The following EMILIN2 variants were observed in gnomAD, a reference collection of about 807,000 sequenced individuals.
EMILIN2 encodes EMILIN-2.
Under a neutral mutation model 87.1 loss-of-function variants are expected in EMILIN2, and 71 were observed. The ratio of observed to expected loss-of-function variants is 0.82; its 90% CI spans 0.67 to 0.99. The LOEUF is 0.99. Among genes scored for constraint, EMILIN2 ranks in the 50% least tolerant of loss-of-function variants. EMILIN2 has a pLI of 0.00. For missense variants in EMILIN2, 1,407 were observed against 1,371.8 expected (o/e 1.03, Z -0.40); for synonymous variants, 581 against 563.4 (o/e 1.03, Z -0.44).
At chr18:2,905,760 C>A (rs1304067620) in intron 4 of EMILIN2, among the ~76,000 whole-genome samples, 3 of 148,618 alleles carry the variant, frequency 2.0e-5, no homozygotes, top group Non-Finnish European at 4.4e-5. Flanking sequence ...GCTCCACTAC[C>A]CCGGGCTAAT....
rs575910016 is a variant in EMILIN2 at position 2,866,839 on chromosome 18, T to C, written c.258-18125T>C. ...TATTATGTTGGCTGTAGGTTTGTCA[T>C]AGATGGCTTTTATTACATTGAAGTA... is the stretch of plus-strand genomic sequence containing the variant. On this transcript the variant is annotated intron_variant, in intron 2 of 7. Coordinates refer to ENST00000254528, the MANE Select transcript of EMILIN2 (RefSeq NM_032048.3). Among the ~76,000 whole-genome samples the C allele has an allele frequency of 2.6e-5, 4 of 152,362 alleles. No individual in the cohort carries two copies. In the South Asian group the frequency reaches 8.3e-4, roughly 32 times the overall value.
At chr18:2,868,771 C>G (rs1050865775) in intron 2 of EMILIN2, among the ~76,000 whole-genome samples, 75 of 151,794 alleles carry the variant, frequency 4.9e-4, no homozygotes, top group African/African-American at 1.0e-3. Flanking sequence ...GGCTCGGCAT[C>G]AGACGGAGAC....
At chr18:2,900,455 T>G (rs1019000861) in intron 4 of EMILIN2, among the ~76,000 whole-genome samples, 2 of 152,212 alleles carry the variant, frequency 1.3e-5, no homozygotes, top group African/African-American at 4.8e-5. Flanking sequence ...CCTAATGTAC[T>G]GGGATTGCAG....
At chr18:2,866,199 G>A (rs1290221270) in intron 2 of EMILIN2, among the ~76,000 whole-genome samples, 1 of 152,222 alleles carries the variant, frequency 6.6e-6, no homozygotes. Flanking sequence ...CACACTGAGT[G>A]TGCTGCACCC....
Position 2,847,435 on chromosome 18 carries a change from G to A in EMILIN2, c.134+113G>A, listed in dbSNP as rs532963969. 7,070 of 1,146,500 alleles carry A rather than the reference G, an allele frequency of 6.2e-3. 33 individuals carry two copies. Among genetic ancestry groups the A allele is most frequent in the Non-Finnish European group, 7.2e-3 (6,528 of 909,836 alleles). 71.0% of individuals were successfully genotyped at this position (1,146,500 alleles called of 1,614,324 possible). ...GAGCGGCAGCCGGGGGCCTCCCTTG[G>A]ACTTCCCCGGGCGGCTCCCTCTGCG... On this transcript the variant is annotated intron_variant, in intron 1 of 7. Coordinates refer to ENST00000254528, the MANE Select transcript of EMILIN2 (RefSeq NM_032048.3). This position sits in a 1 kb window ranked among gnomAD's most constrained non-coding sequence, Gnocchi z 4.5.
intron 4 of EMILIN2, among the ~76,000 whole-genome samples, chr18:2,898,959 G>A (rs1054123885): frequency 2.0e-4 from 31 of 152,164 alleles, no homozygotes; most frequent in African/African-American, 6.8e-4. Context: ...AGGTTTCTAC[G>A]ATGCCCTTTG....
At chr18:2,912,032 C>CTTTTTTTTT (rs35260656) in intron 7 of EMILIN2, among the ~76,000 whole-genome samples, 1 of 73,150 alleles carries the variant, frequency 1.4e-5, no homozygotes, top group Non-Finnish European at 2.7e-5. Flanking sequence ...CTGACAACCA[C>CTTTTTTTTT]TTTTTTTTTT....
At position 2,890,620 on chromosome 18, in the gene EMILIN2, C is replaced by T. The variant is rs370975686; in HGVS notation, c.493C>T (p.Gln165Ter). The change falls in exon 4 of 8, where the codon CAA becomes TAA. Residue 165 changes from glutamine (Q) to a stop codon, truncating the protein, a stop_gained. Transcript: ENST00000254528. LOFTEE classifies it high-confidence loss of function. This position sits in a 1 kb window ranked among gnomAD's most constrained non-coding sequence, Gnocchi z 4.7. ...GACTTTGTCCCCAACTGGTACAGCA[C>T]AACCAAGCTGGGGGGTAGATCCAAA... is the stretch of plus-strand genomic sequence containing the variant. ...RKTLSPTGTA[Q>*]PSWGVDPKEG... 2 of 1,612,884 alleles carry T rather than the reference C, an allele frequency of 1.2e-6. No homozygotes were observed. The highest frequency in any genetic ancestry group is 1.1e-5 in the South Asian group (1 of 91,026).
intron 2 of EMILIN2, among the ~76,000 whole-genome samples, chr18:2,869,604 AT>A (rs569046368): frequency 0.031 from 4,618 of 148,862 alleles, 208 homozygotes; most frequent in African/African-American, 0.11. Context: ...TCAGTAGCTG[AT>A]TTTTTTTTTT....
rs536878129 is a variant in EMILIN2 at position 2,847,174 on chromosome 18, C to T, written c.-15C>T. 34 of 1,102,776 alleles carry T rather than the reference C, an allele frequency of 3.1e-5. No homozygotes were observed. The highest frequency in any genetic ancestry group is 3.9e-5 in the South Asian group (1 of 25,770). 68.3% of individuals were successfully genotyped at this position (1,102,776 alleles called of 1,614,324 possible). A position where few individuals can be genotyped will look rare whatever the true frequency, so the allele number is the denominator to read the frequency against. On this transcript the variant is annotated 5_prime_UTR_variant, in exon 1 of 8. Transcript: ENST00000254528. The surrounding 1 kb of genome is among the most constrained non-coding windows in gnomAD (Gnocchi z 4.5). ...TCCGGACCCGGGCAGGCGGGGCGCG[C>T]CCGCTGCGCGCGGGATGTGGCAGCC...
chr18:2,906,698 G>C (rs1314977734), intron 4 of EMILIN2, 85 bp from the exon 5 acceptor site: 7 of 1,087,456 alleles, frequency 6.4e-6, no homozygotes, highest in Non-Finnish European at 8.1e-6. Context: ...CCCGCTCGCC[G>C]GGACTCATGG....
intron 2 of EMILIN2, among the ~76,000 whole-genome samples, chr18:2,854,950 A>C (rs2076619582): frequency 6.6e-6 from 1 of 152,090 alleles, no homozygotes. Context: ...GCTTTGGGGG[A>C]ATTTTCTTTC....
At chr18:2,877,380 T>C (rs1662888) in intron 2 of EMILIN2, among the ~76,000 whole-genome samples, 38,575 of 151,810 alleles carry the variant, frequency 0.25, 5,800 homozygotes, top group Non-Finnish European at 0.33. Flanking sequence ...CCCTCTTTTT[T>C]TTTCTCATAC....
At chr18:2,859,057 A>G (rs942456391) in intron 2 of EMILIN2, among the ~76,000 whole-genome samples, 2 of 151,986 alleles carry the variant, frequency 1.3e-5, no homozygotes, top group Non-Finnish European at 2.9e-5. Flanking sequence ...TCATATAATG[A>G]CTTCTTTGTC....
intron 2 of EMILIN2, among the ~76,000 whole-genome samples, chr18:2,865,628 G>T (rs1036337558): frequency 8.5e-5 from 13 of 152,332 alleles, no homozygotes; most frequent in Admixed American, 6.5e-4. Context: ...CTACTGGGGG[G>T]TGCCTCCCAG....
At chr18:2,862,520 G>A (rs934947038) in intron 2 of EMILIN2, among the ~76,000 whole-genome samples, 166 of 150,978 alleles carry the variant, frequency 1.1e-3, no homozygotes, top group African/African-American at 3.9e-3. Flanking sequence ...GCTGGATTAT[G>A]TTTATTGATT....
intron 3 of EMILIN2, among the ~76,000 whole-genome samples, chr18:2,889,133 C>CTTTTTTTTTTTTTTTTT (rs772439545): frequency 3.3e-4 from 28 of 84,314 alleles, no homozygotes; most frequent in Admixed American, 4.8e-4. Flanking sequence ...TCTTTCTTTT[C>CTTTTTTTTTTTTTTTTT]TTTTTTTTTT....
intron 2 of EMILIN2, among the ~76,000 whole-genome samples, chr18:2,881,580 A>T (rs1276829770): frequency 6.6e-6 from 1 of 152,184 alleles, no homozygotes; most frequent in Non-Finnish European, 1.5e-5. Context: ...GCTGGGCTGG[A>T]GTGGGGGCCG....
rs147641638 is a variant in EMILIN2, at chr18:2,898,492, G to A, written c.2359+6006G>A. 2.2e-3 allele frequency among the ~76,000 whole-genome samples: 337 copies of A among 152,348 alleles called. 3 individuals carry two copies. Among genetic ancestry groups the A allele is most frequent in the African/African-American group, 7.0e-3 (292 of 41,586 alleles). Reference sequence around the variant, plus strand: ...GAGCAGGAAGGGAAGGCAGAGGGACGTAGCTGTGTGCAGGGGACTTCTCTT... The same window carrying A: ...GAGCAGGAAGGGAAGGCAGAGGGACATAGCTGTGTGCAGGGGACTTCTCTT... On this transcript the variant is annotated intron_variant, in intron 4 of 7. Coordinates refer to ENST00000254528, the MANE Select transcript of EMILIN2 (RefSeq NM_032048.3).
Sources: gnomAD v4.1 joint callset for allele counts (sites outside exome capture counted in the v4.1 genomes callset) on GRCh38, gnomAD v4.1.1 for gene constraint, Gnocchi (gnomAD v3.1) non-coding constraint, MANE v1.5 for transcripts, NCBI Gene and HGNC (gene_info 2026-07-23, HGNC 2026-07-21) for gene names.